Variants in SLU7 observed in about 807,000 individuals in gnomAD.
SLU7 encodes spliceosome associated SLU7, also known as pre-mRNA-splicing factor SLU7.
Under a neutral mutation model 87.0 loss-of-function variants are expected in SLU7, and 60 were observed. That is an observed-to-expected ratio of 0.69 (90% CI 0.56 to 0.86). SLU7 has a LOEUF of 0.86. Among genes scored for constraint, SLU7 ranks in the 40% least tolerant of loss-of-function variants. SLU7 has a pLI of 0.00. For missense variants in SLU7, 507 were observed against 686.6 expected, an observed-to-expected ratio of 0.74 and a Z score of 2.92; for synonymous variants, 197 against 222.0, an observed-to-expected ratio of 0.89 and a Z score of 1.00.
chr5:160,406,735 T>C, intron 11 of SLU7, 106 bp from the exon 12 acceptor site: 1 of 975,060 alleles, frequency 1.0e-6, no homozygotes, highest in Non-Finnish European at 1.5e-6. Context: ...CATTCTTTAC[T>C]GGGTTTTGTT....
chr5:160,405,394 T>C (rs1302836439), intron 12 of SLU7, among the ~76,000 whole-genome samples: 1 of 152,154 alleles, frequency 6.6e-6, no homozygotes, highest in Non-Finnish European at 1.5e-5. Context: ...TTGAAAAACG[T>C]AGGAGTGGGA....
rs1307096414 is a variant in SLU7 at position 160,403,396 on chromosome 5, C to T, written c.1650G>A (p.Arg550=). 6.2e-7 allele frequency: 1 copy of T among 1,613,396 alleles called. No homozygotes were observed. The highest frequency in any genetic ancestry group is 8.5e-7 in the Non-Finnish European group (1 of 1,179,738). Residue 550 remains arginine (R), a synonymous_variant, in exon 16 of 16, where the codon CGG becomes CGA. Coordinates refer to ENST00000297151, the MANE Select transcript of SLU7 (RefSeq NM_006425.5). The part of the protein sequence containing the change: ...KETMQIDERK[R]PYNSMYETRE... ...GAGTTTCATACATGCTATTGTAAGG[C>T]CGCTTCCTCTCATCAATCTGCATGG...
At position 160,403,283 on chromosome 5, in the gene SLU7, T is replaced by C. The variant is rs185058527; in HGVS notation, c.*2A>G. ...TATCTTGGATGGTCTTCTGACTAGT[T>C]GCTACTGTCCAAGGAAAGAGGCCAT... On this transcript the variant is annotated 3_prime_UTR_variant, in exon 16 of 16. Coordinates refer to ENST00000297151, the MANE Select transcript of SLU7 (RefSeq NM_006425.5). The C allele has an allele frequency of 1.3e-5, 20 of 1,589,420 alleles. No homozygotes were observed. Among genetic ancestry groups the C allele is most frequent in the Non-Finnish European group, 1.6e-5 (19 of 1,168,830 alleles).
intron 15 of SLU7, 86 bp downstream of exon 15, chr5:160,404,354 G>T: frequency 1.2e-6 from 1 of 816,482 alleles, no homozygotes; most frequent in Non-Finnish European, 2.0e-6. Flanking sequence ...AACAGAGCAA[G>T]ACCCTGTCTC....
intron 14 of SLU7, 43 bp from the exon 15 acceptor site, chr5:160,404,599 A>G (rs1452846085): frequency 7.3e-7 from 1 of 1,363,930 alleles, no homozygotes. Context: ...ATGTGAAAAC[A>G]AAGCTCAGGT....
chr5:160,410,538 T>C (rs1257222004), intron 6 of SLU7, among the ~76,000 whole-genome samples: 4 of 152,018 alleles, frequency 2.6e-5, no homozygotes, highest in African/African-American at 4.8e-5. Context: ...CTGCACGTTG[T>C]GCACATGTAC....
chr5:160,414,263 C>T, intron 3 of SLU7, 56 bp downstream of exon 3: 1 of 1,381,120 alleles, frequency 7.2e-7, no homozygotes, highest in Non-Finnish European at 9.7e-7. Context: ...AAAATTCTTA[C>T]ATTAAGTTCT....
intron 6 of SLU7, 130 bp from the exon 7 acceptor site, chr5:160,408,827 T>A (rs1034189958): frequency 2.7e-4 from 47 of 171,362 alleles, no homozygotes; most frequent in Non-Finnish European, 2.9e-4. Context: ...TATATTTTAT[T>A]ATATATTATA....
intron 6 of SLU7, among the ~76,000 whole-genome samples, chr5:160,412,183 A>T (rs1052432473): frequency 6.6e-6 from 1 of 152,204 alleles, no homozygotes; most frequent in Non-Finnish European, 1.5e-5. Context: ...AACTCTAGAA[A>T]ATTCTTTAGG....
intron 14 of SLU7, 34 bp from the exon 15 acceptor site, chr5:160,404,590 T>G: frequency 7.1e-7 from 1 of 1,414,328 alleles, no homozygotes; most frequent in Non-Finnish European, 9.9e-7. Context: ...GTGTTATTAA[T>G]GTGAAAACAA....
rs754572328 is a variant in SLU7, at chr5:160,414,488, A to T, written c.171-16T>A. 27 of 1,480,060 alleles carry T rather than the reference A, an allele frequency of 1.8e-5. No homozygotes were observed. Among genetic ancestry groups the T allele is most frequent in the South Asian group, 4.1e-5 (3 of 72,972 alleles). 91.7% of individuals were successfully genotyped at this position (1,480,060 alleles called of 1,614,324 possible). A position where few individuals can be genotyped will look rare whatever the true frequency, so the allele number is the denominator to read the frequency against. ...GTTGATGTCTCTGTAATTAAAGTAA[A>T]AAAAAAAAAAATTTAAGGATAAAAT... On this transcript the variant is annotated splice_polypyrimidine_tract_variant and intron_variant, in intron 2 of 15. Transcript: ENST00000297151.
At chr5:160,405,704 AT>A (rs1266943560) in intron 12 of SLU7, among the ~76,000 whole-genome samples, 1 of 152,250 alleles carries the variant, frequency 6.6e-6, no homozygotes, top group African/African-American at 2.4e-5. Context: ...TTTAACTTAT[AT>A]CCAATCAAGC....
rs1199845985 is a variant in SLU7 at position 160,408,309 on chromosome 5, G to C, written c.819+20C>G. 7 of 1,581,484 alleles carry C rather than the reference G, an allele frequency of 4.4e-6. No individual in the cohort carries two copies. Among genetic ancestry groups the C allele is most frequent in the Non-Finnish European group, 6.0e-6 (7 of 1,159,742 alleles). On this transcript the variant is annotated intron_variant, in intron 8 of 15. Coordinates refer to ENST00000297151, the MANE Select transcript of SLU7 (RefSeq NM_006425.5). ...AGACAAGTATTTTTCAAATATGTAT[G>C]TTAAGCTGACAAGACTTACTTTTGC...
At chr5:160,416,032 C>G (rs1470563089) in intron 1 of SLU7, among the ~76,000 whole-genome samples, 1 of 152,120 alleles carries the variant, frequency 6.6e-6, no homozygotes, top group Non-Finnish European at 1.5e-5. Flanking sequence ...AGCTCGATTA[C>G]AGGTGCCCGC....
intron 4 of SLU7, 114 bp from the exon 5 acceptor site, chr5:160,413,734 T>TA: frequency 9.3e-7 from 1 of 1,079,016 alleles, no homozygotes; most frequent in South Asian, 1.7e-5. Context: ...CAGTTAGTCT[T>TA]ACAGTAGAAA....
At position 160,406,261 on chromosome 5, in the gene SLU7, T is replaced by G. The variant is rs117848315; in HGVS notation, c.1287+207A>C. The G allele has an allele frequency of 1.9e-3, 769 of 403,198 alleles. 21 individuals carry two copies. The East Asian group carries it at 0.031, about 16-fold the overall frequency. The allele number at this position is 403,198 out of a possible 1,614,324, so 25.0% of individuals were successfully genotyped here. A position where few individuals can be genotyped will look rare whatever the true frequency, so the allele number is the denominator to read the frequency against. On this transcript the variant is annotated intron_variant, in intron 12 of 15. Coordinates refer to ENST00000297151, the MANE Select transcript of SLU7 (RefSeq NM_006425.5). ...CATATAAGGCAATATGTTAAAAATT[T>G]CAGAATTTAGATGATGGGTATATAG...
At position 160,413,631 on chromosome 5, in the gene SLU7, A is replaced by G; in HGVS notation, c.406-11T>C. On this transcript the variant is annotated splice_polypyrimidine_tract_variant and intron_variant, in intron 4 of 15. Transcript: ENST00000297151. ...AACTCGCCTAGGTCTCTAAAAACAG[A>G]GTAAGATTTAATCTTTTCCTAAGTT... 2 of 1,601,346 alleles carry G rather than the reference A, an allele frequency of 1.2e-6. No individual in the cohort carries two copies. The highest frequency in any genetic ancestry group is 1.1e-5 in the South Asian group (1 of 88,530).
In SLU7 at chr5:160,404,512, C is replaced by CT. The variant is rs1764919974; in HGVS notation, c.1508dup (p.Lys504GlufsTer12). On this transcript the variant is annotated frameshift_variant, in exon 15 of 16. Transcript: ENST00000297151. LOFTEE classifies it high-confidence loss of function. ...TGCTCTTTCGATGCTTCTTCTTTTT[C>CT]TTTTTCTTCTTCTTCTTTTCCTCTT... The CT allele has an allele frequency of 3.7e-6, 6 of 1,610,860 alleles. No homozygotes were observed. Among genetic ancestry groups the CT allele is most frequent in the Non-Finnish European group, 4.2e-6 (5 of 1,178,408 alleles).
intron 14 of SLU7, 71 bp from the exon 15 acceptor site, chr5:160,404,627 G>T: frequency 9.2e-7 from 1 of 1,087,156 alleles, no homozygotes. Flanking sequence ...TTGGGCGGCT[G>T]AGGCACAAGA....
Sources: gnomAD v4.1 joint callset for allele counts (sites outside exome capture counted in the v4.1 genomes callset) on GRCh38, gnomAD v4.1.1 for gene constraint, MANE v1.5 for transcripts, NCBI Gene and HGNC (gene_info 2026-07-23, HGNC 2026-07-21) for gene names.